The following DAPL1 variants were observed in gnomAD, a reference collection of about 807,000 sequenced individuals.
The protein encoded by DAPL1 is death-associated protein-like 1.
DAPL1 carries 17 observed loss-of-function variants against 12.9 expected under a neutral mutation model. That is an observed-to-expected ratio of 1.32 (90% CI 0.90 to 1.98). The LOEUF is 1.98. Among genes scored for constraint, DAPL1 ranks in the 30% most tolerant of loss-of-function variants. DAPL1 has a pLI of 0.00. For synonymous variants in DAPL1, 51 were observed against 42.0 expected, an observed-to-expected ratio of 1.21 and a Z score of -0.82; for missense variants, 157 against 125.7, an observed-to-expected ratio of 1.25 and a Z score of -1.19.
At chr2:158,804,627 C>T (rs1575226880) in intron 2 of DAPL1, among the ~76,000 whole-genome samples, 2 of 152,218 alleles carry the variant, frequency 1.3e-5, no homozygotes, top group East Asian at 1.9e-4. Flanking sequence ...TCCAGCCCAG[C>T]GGCCTTGCAC....
chr2:158,814,362 T>C (rs1440520234), intron 3 of DAPL1, among the ~76,000 whole-genome samples: 2 of 152,254 alleles, frequency 1.3e-5, no homozygotes, highest in African/African-American at 4.8e-5. Flanking sequence ...TTGTGTTTTG[T>C]TTCCATTCTG....
At chr2:158,799,705 A>G (rs1467374956) in intron 1 of DAPL1, among the ~76,000 whole-genome samples, 1 of 152,156 alleles carries the variant, frequency 6.6e-6, no homozygotes, top group Non-Finnish European at 1.5e-5. Flanking sequence ...TACCAGAACA[A>G]GTTTGGTACA....
chr2:158,815,699 C>A lies in DAPL1; in HGVS notation c.208-6C>A. Reference sequence around the variant, plus strand: ...TGCCTATTTTTTCTTCCCTTCTCACCTTTAGCTCAACTATAAATTTCCAGC... The same window carrying A: ...TGCCTATTTTTTCTTCCCTTCTCACATTTAGCTCAACTATAAATTTCCAGC... On this transcript the variant is annotated splice_region_variant and splice_polypyrimidine_tract_variant and intron_variant, in intron 3 of 3. Coordinates refer to ENST00000309950, the MANE Select transcript of DAPL1 (RefSeq NM_001017920.3). 1 of 1,591,750 alleles carries A rather than the reference C, an allele frequency of 6.3e-7. No homozygotes were observed. Among genetic ancestry groups the A allele is most frequent in the Non-Finnish European group, 8.6e-7 (1 of 1,159,506 alleles).
At chr2:158,807,153 T>A (rs2059207455) in intron 3 of DAPL1, 38 bp downstream of exon 3, 2 of 1,548,816 alleles carry the variant, frequency 1.3e-6, no homozygotes, top group Admixed American at 1.7e-5. Flanking sequence ...TCCAAGTCAA[T>A]CTGCCCAGTG....
At chr2:158,811,120 T>TG (rs1285997311) in intron 3 of DAPL1, among the ~76,000 whole-genome samples, 4 of 152,118 alleles carry the variant, frequency 2.6e-5, no homozygotes, top group African/African-American at 9.7e-5. Context: ...GAGGGGGAAA[T>TG]GCTGAAGCCT....
chr2:158,798,983 C>T (rs1301899949), intron 1 of DAPL1, among the ~76,000 whole-genome samples: 1 of 152,044 alleles, frequency 6.6e-6, no homozygotes, highest in Admixed American at 6.6e-5. Flanking sequence ...TACTCTCTAC[C>T]AAAAACTGTG....
intron 1 of DAPL1, among the ~76,000 whole-genome samples, chr2:158,798,744 T>C (rs1331007330): frequency 6.6e-6 from 1 of 151,906 alleles, no homozygotes; most frequent in Non-Finnish European, 1.5e-5. Context: ...TTGATGAGGG[T>C]TTTGGGGGTC....
At chr2:158,800,992 G>T (rs762239300) in intron 1 of DAPL1, among the ~76,000 whole-genome samples, 1 of 152,122 alleles carries the variant, frequency 6.6e-6, no homozygotes, top group African/African-American at 2.4e-5. Context: ...ACCGGCAATC[G>T]CCACCACACC....
intron 1 of DAPL1, among the ~76,000 whole-genome samples, chr2:158,796,563 G>T (rs570789548): frequency 2.0e-5 from 3 of 152,274 alleles, no homozygotes; most frequent in Non-Finnish European, 2.9e-5. Context: ...CTAGCTAATA[G>T]TCAGGAAGTA....
intron 1 of DAPL1, among the ~76,000 whole-genome samples, chr2:158,799,748 C>G (rs550631200): frequency 6.6e-6 from 1 of 152,276 alleles, no homozygotes; most frequent in East Asian, 1.9e-4. Context: ...ATGTGTGTTT[C>G]CCTTATGCTT....
intron 1 of DAPL1, among the ~76,000 whole-genome samples, chr2:158,803,791 G>A (rs888292506): frequency 9.9e-5 from 15 of 152,128 alleles, no homozygotes; most frequent in African/African-American, 3.4e-4. Context: ...TGAATTAAAT[G>A]CCTTTTATCA....
At chr2:158,810,784 A>G (rs2059226086) in intron 3 of DAPL1, among the ~76,000 whole-genome samples, 1 of 152,142 alleles carries the variant, frequency 6.6e-6, no homozygotes, top group African/African-American at 2.4e-5. Flanking sequence ...GGCAGAACAC[A>G]AGACATGGTA....
intron 2 of DAPL1, among the ~76,000 whole-genome samples, chr2:158,805,941 A>G (rs1414898853): frequency 6.8e-6 from 1 of 147,856 alleles, no homozygotes; most frequent in Non-Finnish European, 1.5e-5. Context: ...AATAACCAAA[A>G]ATGACCGATA....
chr2:158,797,287 T>G (rs1489643135), intron 1 of DAPL1, among the ~76,000 whole-genome samples: 1 of 152,120 alleles, frequency 6.6e-6, no homozygotes, highest in East Asian at 1.9e-4. Flanking sequence ...GTTGTAATGA[T>G]TAAAAGAGAT....
rs188566369 is a variant in DAPL1 at position 158,808,089 on chromosome 2, G to T, written c.207+974G>T. Among the ~76,000 whole-genome samples the T allele has an allele frequency of 6.0e-4, 92 of 152,290 alleles. No homozygotes were observed. In the East Asian group the frequency reaches 9.3e-3, roughly 15 times the overall value. On this transcript the variant is annotated intron_variant, in intron 3 of 3. Transcript: ENST00000309950. ...GAGGGCCCTTATTCTATGTCTAGTAGGCAGGTACATTACAGTCAAGGTAAT... is the reference window on the plus strand; with the variant it reads ...GAGGGCCCTTATTCTATGTCTAGTATGCAGGTACATTACAGTCAAGGTAAT...
chr2:158,798,407 C>T (rs2059146895), intron 1 of DAPL1, among the ~76,000 whole-genome samples: 1 of 152,234 alleles, frequency 6.6e-6, no homozygotes, highest in Non-Finnish European at 1.5e-5. Context: ...GGCATTGGAA[C>T]AGGACAGAAC....
intron 1 of DAPL1, among the ~76,000 whole-genome samples, chr2:158,799,356 C>G (rs751990209): frequency 2.0e-5 from 3 of 152,082 alleles, no homozygotes; most frequent in Non-Finnish European, 2.9e-5. Context: ...TAGTCCCAAA[C>G]ATGGAGTTAC....
At chr2:158,798,919 T>C (rs891636246) in intron 1 of DAPL1, among the ~76,000 whole-genome samples, 21 of 152,198 alleles carry the variant, frequency 1.4e-4, no homozygotes, top group African/African-American at 5.1e-4. Context: ...ACATTGTCCA[T>C]GGATTTGTGA....
chr2:158,807,137 T>C, intron 3 of DAPL1, 22 bp downstream of exon 3: 1 of 1,591,924 alleles, frequency 6.3e-7, no homozygotes. Context: ...GCAAATCACA[T>C]AGCGCTCCAA....
Sources: allele counts gnomAD v4.1 joint callset (sites outside exome capture counted in the v4.1 genomes callset), GRCh38; gene constraint gnomAD v4.1.1; transcripts MANE v1.5; gene names NCBI Gene and HGNC (gene_info 2026-07-23, HGNC 2026-07-21).